AATF: variants seen among roughly 807,000 people sequenced by gnomAD.
The protein encoded by AATF is apoptosis antagonizing transcription factor, also known as protein AATF.
Under a neutral mutation model 63.7 loss-of-function variants are expected in AATF, and 48 were observed. That is an observed-to-expected ratio of 0.75 (90% CI 0.60 to 0.96). The LOEUF is 0.96. AATF is among the 40% of genes least tolerant of loss of function. The pLI, the probability that AATF is intolerant of heterozygous loss-of-function variation, is 0.00. For synonymous variants in AATF, 258 were observed against 247.7 expected (o/e 1.04, Z -0.39); for missense variants, 639 against 685.7 (o/e 0.93, Z 0.76).
At chr17:36,974,443 CATT>C (rs2071064451) in intron 4 of AATF, among the ~76,000 whole-genome samples, 1 of 152,062 alleles carries the variant, frequency 6.6e-6, no homozygotes, top group Admixed American at 6.5e-5. Flanking sequence ...TAGTAAACAT[CATT>C]ATTAGTAAAT....
chr17:37,056,868 G>A lies in AATF; in HGVS notation c.*204G>A, dbSNP rs1375293487. 16 of 584,304 alleles carry A rather than the reference G, an allele frequency of 2.7e-5. 1 individual carries two copies. The highest frequency in any genetic ancestry group is 2.3e-4 in the South Asian group (11 of 47,460). 36.2% of individuals were successfully genotyped at this position (584,304 alleles called of 1,614,324 possible). A position where few individuals can be genotyped will look rare whatever the true frequency, so the allele number is the denominator to read the frequency against. Reference sequence around the variant, plus strand: ...GCCACAAATAAAGAGCATTGTTACCGCCACCACCGCTTGTGATTTCTTAAG... The same window carrying A: ...GCCACAAATAAAGAGCATTGTTACCACCACCACCGCTTGTGATTTCTTAAG... On this transcript the variant is annotated 3_prime_UTR_variant, in exon 12 of 12. Transcript: ENST00000619387.
At chr17:37,011,366 C>G (rs1164050439) in intron 8 of AATF, among the ~76,000 whole-genome samples, 2 of 152,050 alleles carry the variant, frequency 1.3e-5, no homozygotes, top group African/African-American at 4.8e-5. Context: ...CAGAGCAAGA[C>G]TCTGCCTCAA....
chr17:36,951,412 C>G (rs551459164), intron 2 of AATF, among the ~76,000 whole-genome samples: 1 of 151,870 alleles, frequency 6.6e-6, no homozygotes, highest in Non-Finnish European at 1.5e-5. Context: ...AATTTAAGTT[C>G]TAAGAGCCTG....
intron 8 of AATF, among the ~76,000 whole-genome samples, chr17:37,013,503 G>C (rs191674922): frequency 1.3e-5 from 2 of 152,272 alleles, no homozygotes; most frequent in African/African-American, 4.8e-5. Flanking sequence ...AGGGGAGCTG[G>C]CATGTGCAGA....
intron 10 of AATF, among the ~76,000 whole-genome samples, chr17:37,029,058 G>C (rs550534878): frequency 6.6e-6 from 1 of 151,844 alleles, no homozygotes; most frequent in Non-Finnish European, 1.5e-5. Context: ...TTTTAGATAA[G>C]CTCATACTCT....
rs371451986 is a variant in AATF, at chr17:36,953,043, G to A, written c.441G>A (p.Pro147=). Residue 147 remains proline (P), a synonymous_variant, in exon 3 of 12, where the codon CCG becomes CCA. Coordinates refer to ENST00000619387, the MANE Select transcript of AATF (RefSeq NM_012138.4). The part of the protein sequence containing the change: ...KKSRSHSAKT[P]GFSVQSISDF... ...GCAGAAGCCACTCTGCAAAAACACC[G>A]GGCTTCAGTGTCCAGAGTATCAGTG... The A allele has an allele frequency of 8.3e-5, 134 of 1,613,980 alleles. No homozygotes were observed. The highest frequency in any genetic ancestry group is 1.1e-4 in the Non-Finnish European group (129 of 1,180,026).
intron 4 of AATF, among the ~76,000 whole-genome samples, chr17:36,981,620 CTTCT>C (rs2071124484): frequency 6.6e-6 from 1 of 150,588 alleles, no homozygotes; most frequent in Non-Finnish European, 1.5e-5. Flanking sequence ...ATTTCTTCTT[CTTCT>C]TTCTTCTTTC....
intron 4 of AATF, among the ~76,000 whole-genome samples, chr17:36,969,644 T>G (rs1331320437): frequency 1.3e-5 from 2 of 152,184 alleles, no homozygotes; most frequent in African/African-American, 4.8e-5. Context: ...TCCATTTGCT[T>G]TTTCAAAAAC....
At chr17:37,056,446 G>T in intron 11 of AATF, 155 bp from the exon 12 acceptor site, 1 of 686,134 alleles carries the variant, frequency 1.5e-6, no homozygotes. Flanking sequence ...TCCTTCTGTT[G>T]TATTTGTGAG....
intron 5 of AATF, among the ~76,000 whole-genome samples, chr17:36,987,279 C>T (rs2071176898): frequency 1.3e-5 from 2 of 151,736 alleles, no homozygotes; most frequent in South Asian, 4.2e-4. Flanking sequence ...GCATGGGCCA[C>T]TTCACCTGGC....
At chr17:37,011,142 G>A (rs1223821844) in intron 8 of AATF, among the ~76,000 whole-genome samples, 2 of 152,088 alleles carry the variant, frequency 1.3e-5, no homozygotes, top group Non-Finnish European at 2.9e-5. Flanking sequence ...AGGCCAAGAC[G>A]AGTGGATTAC....
At chr17:36,952,864 T>G (rs2070866195) in intron 2 of AATF, 22 bp from the exon 3 acceptor site, 2 of 1,602,276 alleles carry the variant, frequency 1.2e-6, no homozygotes, top group Middle Eastern at 1.7e-4. Flanking sequence ...ATTTTTCTCT[T>G]TCTTCCCTCT....
intron 11 of AATF, among the ~76,000 whole-genome samples, chr17:37,050,368 A>T (rs1597745227): frequency 6.6e-6 from 1 of 152,204 alleles, no homozygotes; most frequent in East Asian, 1.9e-4. Context: ...AAGCATTCAA[A>T]TATTTTTAAT....
chr17:37,040,777 A>G (rs1187905955), intron 11 of AATF, among the ~76,000 whole-genome samples: 3 of 149,328 alleles, frequency 2.0e-5, no homozygotes, highest in African/African-American at 7.5e-5. Flanking sequence ...TATAGGAGAG[A>G]TGCTTTCTAT....
chr17:37,005,348 A>C (rs916962471), intron 8 of AATF, among the ~76,000 whole-genome samples: 5 of 152,128 alleles, frequency 3.3e-5, no homozygotes, highest in Admixed American at 2.0e-4. Context: ...GTAAGGAGAG[A>C]AGTAAGCACA....
At chr17:37,013,015 C>T (rs574246618) in intron 8 of AATF, among the ~76,000 whole-genome samples, 1 of 152,290 alleles carries the variant, frequency 6.6e-6, no homozygotes, top group African/African-American at 2.4e-5. Flanking sequence ...AAATTAAAAA[C>T]TTTCCTGCCT....
At chr17:37,012,173 C>T (rs1215649716) in intron 8 of AATF, among the ~76,000 whole-genome samples, 2 of 152,024 alleles carry the variant, frequency 1.3e-5, no homozygotes, top group African/African-American at 4.8e-5. Context: ...CCTGCCTCAG[C>T]CACCCTAGTA....
intron 4 of AATF, among the ~76,000 whole-genome samples, chr17:36,984,549 G>T (rs1393039080): frequency 6.6e-6 from 1 of 152,204 alleles, no homozygotes; most frequent in East Asian, 1.9e-4. Context: ...CACATAAATG[G>T]TGACTCTCAG....
intron 4 of AATF, among the ~76,000 whole-genome samples, chr17:36,957,756 C>T (rs2070913833): frequency 6.6e-6 from 1 of 152,162 alleles, no homozygotes; most frequent in African/African-American, 2.4e-5. Context: ...AGAATCCTGT[C>T]CTCAGGTTGC....
Sources: allele counts gnomAD v4.1 joint callset (sites outside exome capture counted in the v4.1 genomes callset), GRCh38; gene constraint gnomAD v4.1.1; transcripts MANE v1.5; gene names NCBI Gene and HGNC (gene_info 2026-07-23, HGNC 2026-07-21).